Variants in DPYD observed in about 807,000 individuals in gnomAD.
DPYD encodes the protein dihydropyrimidine dehydrogenase [NADP(+)].
Under a neutral mutation model 116.2 loss-of-function variants are expected in DPYD, and 109 were observed. The ratio of observed to expected loss-of-function variants is 0.94; its 90% CI spans 0.80 to 1.10. The LOEUF (loss-of-function observed/expected upper bound fraction) is 1.10, where lower values mean the gene tolerates loss of function less well. Among genes scored for constraint, DPYD ranks in the 50% least tolerant of loss-of-function variants. The pLI is 0.00. For synonymous variants in DPYD, 440 were observed against 432.0 expected (o/e 1.02, Z -0.23); for missense variants, 1,302 against 1,254.5 (o/e 1.04, Z -0.57).
At chr1:97,857,105 A>C (rs1184298301) in intron 2 of DPYD, among the ~76,000 whole-genome samples, 1 of 152,154 alleles carries the variant, frequency 6.6e-6, no homozygotes, top group African/African-American at 2.4e-5. Context: ...CCCTGACAAC[A>C]AGAAGGGTCT....
chr1:97,565,697 T>C (rs1390930060), intron 11 of DPYD, among the ~76,000 whole-genome samples: 1 of 152,202 alleles, frequency 6.6e-6, no homozygotes, highest in Non-Finnish European at 1.5e-5. Flanking sequence ...TATTTACATG[T>C]CTATTTCTCT....
intron 8 of DPYD, among the ~76,000 whole-genome samples, chr1:97,646,213 T>G (rs774015516): frequency 6.6e-6 from 1 of 152,260 alleles, no homozygotes; most frequent in Middle Eastern, 3.4e-3. Context: ...CAGTGCAGAA[T>G]CCTCCTGAAG....
intron 14 of DPYD, among the ~76,000 whole-genome samples, chr1:97,416,609 G>T (rs1674304472): frequency 6.6e-6 from 1 of 152,178 alleles, no homozygotes. Flanking sequence ...GTGGTAGTCA[G>T]CAGTTGGCAT....
intron 16 of DPYD, among the ~76,000 whole-genome samples, chr1:97,335,626 G>C (rs1285392722): frequency 6.6e-6 from 1 of 152,110 alleles, no homozygotes; most frequent in Non-Finnish European, 1.5e-5. Flanking sequence ...AACTCAAAGA[G>C]TTCCATTTAC....
intron 20 of DPYD, among the ~76,000 whole-genome samples, chr1:97,170,276 G>A (rs1656629290): frequency 6.6e-6 from 1 of 152,174 alleles, no homozygotes; most frequent in South Asian, 2.1e-4. Context: ...GGTATATCTA[G>A]GGTTTTCCTT....
chr1:97,610,967 TTGTG>T (rs913526977), intron 8 of DPYD, among the ~76,000 whole-genome samples: 3 of 150,206 alleles, frequency 2.0e-5, no homozygotes, highest in Non-Finnish European at 4.4e-5. Flanking sequence ...ATCGGTGTGT[TTGTG>T]TGTGTGTATA....
At chr1:97,255,017 T>C (rs1663355604) in intron 18 of DPYD, among the ~76,000 whole-genome samples, 1 of 152,202 alleles carries the variant, frequency 6.6e-6, no homozygotes, top group Non-Finnish European at 1.5e-5. Context: ...CATCACCACC[T>C]ACATTGGCTT....
chr1:97,497,711 A>C (rs1316777547), intron 13 of DPYD, among the ~76,000 whole-genome samples: 1 of 151,898 alleles, frequency 6.6e-6, no homozygotes, highest in East Asian at 1.9e-4. Flanking sequence ...AGAAACTGGA[A>C]ATATCATACA....
At chr1:97,649,384 A>G (rs906286627) in intron 8 of DPYD, among the ~76,000 whole-genome samples, 1 of 152,160 alleles carries the variant, frequency 6.6e-6, no homozygotes, top group Non-Finnish European at 1.5e-5. Flanking sequence ...TTTAGAAAAT[A>G]AAAAGGTTGT....
At chr1:97,705,291 A>C (rs146563142) in intron 5 of DPYD, among the ~76,000 whole-genome samples, 1,879 of 151,802 alleles carry the variant, frequency 0.012, 36 homozygotes, top group African/African-American at 0.043. Context: ...GCTCCCCCCA[A>C]CCAACAACAG....
Position 97,323,147 on chromosome 1 carries a change from A to G in DPYD, c.2059-16850T>C, listed in dbSNP as rs544494053. On this transcript the variant is annotated intron_variant, in intron 16 of 22. Coordinates refer to ENST00000370192, the MANE Select transcript of DPYD (RefSeq NM_000110.4). ...TATGTGTGTGTGTTTATGTATAGGC[A>G]TATATATGTGTAAATATATATGTAT... 3.1e-3 allele frequency among the ~76,000 whole-genome samples: 463 copies of G among 149,776 alleles called. 4 individuals carry two copies. The highest frequency in any genetic ancestry group is 4.7e-3 in the Non-Finnish European group (314 of 67,446).
chr1:97,756,732 T>C (rs745890854), intron 3 of DPYD, among the ~76,000 whole-genome samples: 1 of 152,184 alleles, frequency 6.6e-6, no homozygotes, highest in Non-Finnish European at 1.5e-5. Context: ...TCCTTTCATA[T>C]TGAAGAGGTG....
chr1:97,618,618 T>A (rs761302997), intron 8 of DPYD, among the ~76,000 whole-genome samples: 2 of 152,148 alleles, frequency 1.3e-5, no homozygotes, highest in African/African-American at 4.8e-5. Flanking sequence ...TACAGACCAG[T>A]AATAACCAGT....
At position 97,836,133 on chromosome 1, in the gene DPYD, A is replaced by G. The variant is rs112619202; in HGVS notation, c.151-7937T>C. On this transcript the variant is annotated intron_variant, in intron 2 of 22. Transcript: ENST00000370192. ...ATCCCTGCTAGACTAAGTGGTGTCT[A>G]AGCAAATGAGGAAAACTTTGGTATC... Among the ~76,000 whole-genome samples, 1,177 of 152,276 alleles carry G rather than the reference A, an allele frequency of 7.7e-3. 13 individuals carry two copies. The highest frequency in any genetic ancestry group is 0.027 in the African/African-American group (1,109 of 41,574).
intron 11 of DPYD, among the ~76,000 whole-genome samples, chr1:97,572,303 C>A (rs1318609714): frequency 2.0e-5 from 3 of 151,868 alleles, no homozygotes; most frequent in African/African-American, 7.2e-5. Context: ...TACATACATA[C>A]ACAAATACAC....
chr1:97,869,433 G>T (rs972233589), intron 2 of DPYD, among the ~76,000 whole-genome samples: 2 of 151,688 alleles, frequency 1.3e-5, no homozygotes, highest in African/African-American at 4.8e-5. Flanking sequence ...TATGTGAGGG[G>T]GTCAGAATGT....
At chr1:97,534,107 T>C (rs1160161175) in intron 12 of DPYD, among the ~76,000 whole-genome samples, 2 of 152,184 alleles carry the variant, frequency 1.3e-5, no homozygotes, top group Non-Finnish European at 2.9e-5. Context: ...ATTTATTAAG[T>C]GCCTACATAT....
chr1:97,193,614 A>G (rs1383523171), intron 19 of DPYD, among the ~76,000 whole-genome samples: 2 of 152,132 alleles, frequency 1.3e-5, no homozygotes, highest in African/African-American at 2.4e-5. Flanking sequence ...TTGTCACTCT[A>G]TTGGGATGTG....
At chr1:97,152,544 TTATA>T (rs1655108198) in intron 20 of DPYD, among the ~76,000 whole-genome samples, 1 of 151,072 alleles carries the variant, frequency 6.6e-6, no homozygotes, top group Non-Finnish European at 1.5e-5. Context: ...ATCTATTAAA[TTATA>T]ATATTAATGT....
Sources: allele counts gnomAD v4.1 joint callset (sites outside exome capture counted in the v4.1 genomes callset), GRCh38; gene constraint gnomAD v4.1.1; transcripts MANE v1.5; gene names NCBI Gene and HGNC (gene_info 2026-07-23, HGNC 2026-07-21).